Variants in NR4A1 observed in about 807,000 individuals in gnomAD.
NR4A1 encodes the protein nuclear receptor subfamily 4 group A member 1, also known as nuclear receptor subfamily 4immunitygroup A member 1.
A neutral mutation model predicts 47.5 loss-of-function variants in NR4A1; 24 were observed. The ratio of observed to expected loss-of-function variants is 0.50; its 90% CI spans 0.37 to 0.71. NR4A1 has a LOEUF of 0.71. Among genes scored for constraint, NR4A1 ranks in the 30% least tolerant of loss-of-function variants. The probability of loss-of-function intolerance (pLI) is 0.00; values close to 1 mark genes in which losing one functional copy is unlikely to be tolerated. For missense variants in NR4A1, 669 were observed against 788.6 expected (o/e 0.85, Z 1.82); for synonymous variants, 353 against 345.7 (o/e 1.02, Z -0.24).
At chr12:52,028,099 G>C (rs1323630887) in intron 1 of NR4A1, among the ~76,000 whole-genome samples, 3 of 148,040 alleles carry the variant, frequency 2.0e-5, no homozygotes, top group African/African-American at 7.5e-5. Context: ...CTACTCGGGA[G>C]TTTGAGATGG....
In NR4A1 at chr12:52,056,985, T is replaced by C. The variant is rs529893171; in HGVS notation, c.1159-72T>C. The C allele has an allele frequency of 4.3e-6, 6 of 1,388,456 alleles. No homozygotes were observed. In the South Asian group the frequency reaches 8.2e-5, roughly 19 times the overall value. 86.0% of individuals were successfully genotyped at this position (1,388,456 alleles called of 1,614,324 possible). On this transcript the variant is annotated intron_variant, in intron 4 of 6. Transcript: ENST00000394825. The stretch of plus-strand genomic sequence containing the variant: ...TCCCGGGATCTGGCATCCAAGTGTC[T>C]GACACAGCCATACGTGGCAGTGGGT...
chr12:52,023,419 TG>T (rs1475770603), intron 1 of NR4A1, among the ~76,000 whole-genome samples: 7 of 152,116 alleles, frequency 4.6e-5, no homozygotes, highest in Non-Finnish European at 1.0e-4. Context: ...TATGCTTTGC[TG>T]GGATCTGGGA....
intron 1 of NR4A1, among the ~76,000 whole-genome samples, chr12:52,036,258 A>T (rs1938233458): frequency 6.6e-6 from 1 of 152,098 alleles, no homozygotes; most frequent in Non-Finnish European, 1.5e-5. Context: ...AAACCTTCCA[A>T]GTGCCTGCAC....
intron 2 of NR4A1, among the ~76,000 whole-genome samples, chr12:52,045,913 C>A (rs1938615697): frequency 6.6e-6 from 1 of 152,218 alleles, no homozygotes; most frequent in Non-Finnish European, 1.5e-5. Context: ...TGCTTCCCTG[C>A]CCACAGTGCA....
intron 1 of NR4A1, among the ~76,000 whole-genome samples, chr12:52,034,534 T>C (rs1309796112): frequency 2.0e-5 from 3 of 152,116 alleles, no homozygotes; most frequent in Non-Finnish European, 2.9e-5. Flanking sequence ...AAGCAGTGCC[T>C]GTAGAAAGGA....
chr12:52,059,025 C>T lies in NR4A1; in HGVS notation c.*81C>T, dbSNP rs2120562844. On this transcript the variant is annotated 3_prime_UTR_variant, in exon 7 of 7. Coordinates refer to ENST00000394825, the MANE Select transcript of NR4A1 (RefSeq NM_173157.3). Reference sequence around the variant, plus strand: ...CTTTAGTCCACGGACCCCCAGAGCACCCCCAAGCCTGGGCTTGAGCTGCAG... The same window carrying T: ...CTTTAGTCCACGGACCCCCAGAGCATCCCCAAGCCTGGGCTTGAGCTGCAG... 3 of 1,488,784 alleles carry T rather than the reference C, an allele frequency of 2.0e-6. No individual in the cohort carries two copies. The highest frequency in any genetic ancestry group is 2.0e-5 in the Admixed American group (1 of 49,608). The allele number at this position is 1,488,784 out of a possible 1,614,324, so 92.2% of individuals were successfully genotyped here.
chr12:52,038,177 G>A (rs551419671), intron 1 of NR4A1: 11 of 664,728 alleles, frequency 1.7e-5, no homozygotes, highest in African/African-American at 2.0e-5. Context: ...CGAATCTCCT[G>A]CCTCAGCCTC....
chr12:52,056,574 A>C lies in NR4A1; in HGVS notation c.1087A>C (p.Asn363His). The C allele has an allele frequency of 6.2e-7, 1 of 1,613,638 alleles. No individual in the cohort carries two copies. Among genetic ancestry groups the C allele is most frequent in the South Asian group, 1.1e-5 (1 of 91,046 alleles). ...PKQPPDASPA[N>H]LLTSLVRAHL... Reference sequence around the variant, plus strand: ...GCAGCCCCCAGATGCCTCCCCTGCCAATCTCCTCACTTCCCTGGTCCGTGC... The same window carrying C: ...GCAGCCCCCAGATGCCTCCCCTGCCCATCTCCTCACTTCCCTGGTCCGTGC... The change falls in exon 4 of 7, where the codon AAT becomes CAT. Residue 363 changes from asparagine to histidine, a missense_variant. Asn to His is a moderately conservative substitution (Grantham distance 68). Coordinates refer to ENST00000394825, the MANE Select transcript of NR4A1 (RefSeq NM_173157.3).
At chr12:52,050,732 A>G (rs1047618430), upstream of NR4A1, among the ~76,000 whole-genome samples, 2 of 152,192 alleles carry the variant, frequency 1.3e-5, no homozygotes, top group Non-Finnish European at 2.9e-5. Context: ...CTGACGTCTC[A>G]GGGGCAGCCT....
chr12:52,031,945 C>T (rs968772177), intron 1 of NR4A1, among the ~76,000 whole-genome samples: 29 of 151,968 alleles, frequency 1.9e-4, no homozygotes, highest in African/African-American at 4.3e-4. Flanking sequence ...TACAGGTGCC[C>T]GCCACCACGC....
At chr12:52,043,897 G>T (rs1172160787) in intron 2 of NR4A1, 1 of 1,289,270 alleles carries the variant, frequency 7.8e-7, no homozygotes, top group Admixed American at 2.3e-5. Context: ...AAAGCAGATC[G>T]TGAGGAGGAA....
At chr12:52,036,381 T>G (rs1938236228) in intron 1 of NR4A1, among the ~76,000 whole-genome samples, 1 of 152,132 alleles carries the variant, frequency 6.6e-6, no homozygotes, top group South Asian at 2.1e-4. Context: ...CATGAAGCAC[T>G]CCTTTGGATT....
At chr12:52,037,202 G>C (rs1938266283) in intron 1 of NR4A1, 1 of 205,148 alleles carries the variant, frequency 4.9e-6, no homozygotes. Flanking sequence ...GGGGCGCCGC[G>C]CGGCCGGAAC....
At chr12:52,023,226 G>A (rs1207660813) in intron 1 of NR4A1, among the ~76,000 whole-genome samples, 4 of 152,246 alleles carry the variant, frequency 2.6e-5, no homozygotes, top group African/African-American at 9.6e-5. Flanking sequence ...CAAGGCCTGG[G>A]CTAGACTGCG....
chr12:52,057,144 G>T lies in NR4A1; in HGVS notation c.1246G>T (p.Val416Phe), dbSNP rs1240791313. 14 of 1,614,100 alleles carry T rather than the reference G, an allele frequency of 8.7e-6. No individual in the cohort carries two copies. Among genetic ancestry groups the T allele is most frequent in the Non-Finnish European group, 1.2e-5 (14 of 1,179,974 alleles). ...FYDLLSGSLEVIRKWAEKIPG... is the reference protein window; with the variant it reads ...FYDLLSGSLEFIRKWAEKIPG... Reference sequence around the variant, plus strand: ...CGACCTGCTCTCCGGTTCTCTGGAGGTCATCCGCAAGTGGGCGGAGAAGAT... The same window carrying T: ...CGACCTGCTCTCCGGTTCTCTGGAGTTCATCCGCAAGTGGGCGGAGAAGAT... Residue 416 changes from valine (V) to phenylalanine (F), a missense_variant, in exon 5 of 7, where the codon GTC (valine) becomes TTC (phenylalanine). Val to Phe is a conservative substitution (Grantham distance 50, BLOSUM62 -1). Coordinates refer to ENST00000394825, the MANE Select transcript of NR4A1 (RefSeq NM_173157.3).
intron 2 of NR4A1, among the ~76,000 whole-genome samples, chr12:52,042,792 T>C (rs184643171): frequency 1.6e-4 from 25 of 152,324 alleles, no homozygotes; most frequent in Admixed American, 1.0e-3. Flanking sequence ...CCAAGGGCAC[T>C]GTAGTCCTGG....
intron 1 of NR4A1, among the ~76,000 whole-genome samples, chr12:52,026,890 T>C (rs1938010555): frequency 6.6e-6 from 1 of 152,066 alleles, no homozygotes; most frequent in Admixed American, 6.5e-5. Flanking sequence ...ACTCTTCCTC[T>C]GAGCGGGGAG....
intron 6 of NR4A1, among the ~76,000 whole-genome samples, chr12:52,058,268 C>T (rs1325916857): frequency 6.6e-6 from 1 of 152,128 alleles, no homozygotes; most frequent in Non-Finnish European, 1.5e-5. Context: ...AATCCACCCT[C>T]GTTCATTTTT....
At chr12:52,055,874 T>A in intron 2 of NR4A1, 156 bp from the exon 3 acceptor site, 7 of 346,700 alleles carry the variant, frequency 2.0e-5, no homozygotes, top group East Asian at 5.3e-5. Flanking sequence ...CAACCCCGTC[T>A]CTCCCTCCCT....
Sources: allele counts gnomAD v4.1 joint callset (sites outside exome capture counted in the v4.1 genomes callset), GRCh38; gene constraint gnomAD v4.1.1; transcripts MANE v1.5; gene names NCBI Gene and HGNC (gene_info 2026-07-23, HGNC 2026-07-21).